The following GRM8 variants were observed in gnomAD, a reference collection of about 807,000 sequenced individuals.
GRM8 encodes the protein metabotropic glutamate receptor 8.
GRM8 carries 47 observed loss-of-function variants against 87.2 expected under a neutral mutation model. The observed-to-expected ratio is 0.54, with a 90% confidence interval of 0.43 to 0.69. The LOEUF is 0.69. GRM8 is among the 30% of genes least tolerant of loss of function. The pLI, the probability that GRM8 is intolerant of heterozygous loss-of-function variation, is 0.00. For missense variants in GRM8, 1,019 were observed against 1,139.2 expected (o/e 0.89, Z 1.52); for synonymous variants, 396 against 404.5 (o/e 0.98, Z 0.25).
At chr7:126,590,120 TAA>T (rs61063685) in intron 8 of GRM8, among the ~76,000 whole-genome samples, 47,147 of 148,484 alleles carry the variant, frequency 0.32, 8,271 homozygotes, top group South Asian at 0.47. Flanking sequence ...TTTCATGAAA[TAA>T]AAAAAAAAAA....
chr7:126,853,150 A>G (rs1797369740), intron 6 of GRM8, among the ~76,000 whole-genome samples: 1 of 152,184 alleles, frequency 6.6e-6, no homozygotes, highest in Non-Finnish European at 1.5e-5. Context: ...TCTTTCAGCC[A>G]TTTTATGTTA....
intron 6 of GRM8, among the ~76,000 whole-genome samples, chr7:126,815,753 C>A (rs542453605): frequency 6.6e-6 from 1 of 152,204 alleles, no homozygotes; most frequent in East Asian, 1.9e-4. Flanking sequence ...ATAAACTATT[C>A]TTCTTTTTGT....
chr7:126,721,519 T>A (rs1812392474), intron 7 of GRM8, among the ~76,000 whole-genome samples: 1 of 152,180 alleles, frequency 6.6e-6, no homozygotes, highest in African/African-American at 2.4e-5. Flanking sequence ...GTGAAATTTC[T>A]TTGAAATCTA....
At position 127,096,091 on chromosome 7, in the gene GRM8, A is replaced by G. The variant is rs142670585; in HGVS notation, c.727+10405T>C. 4.5e-4 allele frequency among the ~76,000 whole-genome samples: 68 copies of G among 152,322 alleles called. No homozygotes were observed. The East Asian group carries it at 0.012, about 28-fold the overall frequency. On this transcript the variant is annotated intron_variant, in intron 3 of 10. Transcript: ENST00000339582. ...AATACATTAGTCATGTGAAGAAACAATAAGATTGATCACTGCTAAGGTATA... is the reference window on the plus strand; with the variant it reads ...AATACATTAGTCATGTGAAGAAACAGTAAGATTGATCACTGCTAAGGTATA...
chr7:127,134,255 T>C (rs1351532758), intron 2 of GRM8, among the ~76,000 whole-genome samples: 1 of 152,236 alleles, frequency 6.6e-6, no homozygotes, highest in Non-Finnish European at 1.5e-5. Context: ...TAAGTACATT[T>C]GTGCTCAGAA....
At chr7:126,520,769 T>C (rs1757767808) in intron 9 of GRM8, among the ~76,000 whole-genome samples, 1 of 152,138 alleles carries the variant, frequency 6.6e-6, no homozygotes, top group Non-Finnish European at 1.5e-5. Context: ...CGGCCTTCTT[T>C]GGAGACATGT....
intron 3 of GRM8, among the ~76,000 whole-genome samples, chr7:126,930,620 C>T (rs1805663977): frequency 6.6e-6 from 1 of 152,146 alleles, no homozygotes; most frequent in South Asian, 2.1e-4. Flanking sequence ...TTCCATCATC[C>T]TATCAGCCTA....
intron 6 of GRM8, among the ~76,000 whole-genome samples, chr7:126,847,095 T>C (rs1160271987): frequency 1.3e-5 from 2 of 152,220 alleles, no homozygotes; most frequent in Admixed American, 1.3e-4. Flanking sequence ...AAATTGATAG[T>C]ATCTTTCACA....
intron 9 of GRM8, among the ~76,000 whole-genome samples, chr7:126,450,332 C>T (rs1000831560): frequency 1.3e-5 from 2 of 151,830 alleles, no homozygotes; most frequent in African/African-American, 4.8e-5. Flanking sequence ...CTCAAAGCAA[C>T]TTTATGCCAC....
intron 8 of GRM8, among the ~76,000 whole-genome samples, chr7:126,537,542 C>T (rs926541121): frequency 1.3e-5 from 2 of 152,066 alleles, no homozygotes; most frequent in African/African-American, 4.8e-5. Context: ...TTTGGGAGGC[C>T]AAGGCAGGCG....
chr7:127,204,717 T>G (rs143369961), intron 2 of GRM8, among the ~76,000 whole-genome samples: 1 of 152,340 alleles, frequency 6.6e-6, no homozygotes, highest in African/African-American at 2.4e-5. Context: ...CCCTGGCCTT[T>G]TTTAGTGCTT....
intron 6 of GRM8, among the ~76,000 whole-genome samples, chr7:126,877,686 T>A (rs1169278922): frequency 6.6e-6 from 1 of 152,174 alleles, no homozygotes; most frequent in Non-Finnish European, 1.5e-5. Context: ...TATTTACCTG[T>A]CTCCAAAGTC....
chr7:126,974,158 T>C (rs1292625813), intron 3 of GRM8, among the ~76,000 whole-genome samples: 2 of 152,210 alleles, frequency 1.3e-5, no homozygotes, highest in Non-Finnish European at 2.9e-5. Context: ...AAATTTTGTG[T>C]TTAGGCTTGG....
intron 2 of GRM8, among the ~76,000 whole-genome samples, chr7:127,143,701 C>A (rs1247146265): frequency 6.6e-6 from 1 of 151,988 alleles, no homozygotes; most frequent in Non-Finnish European, 1.5e-5. Flanking sequence ...CTGATGGTAT[C>A]CACATTAAGG....
intron 3 of GRM8, among the ~76,000 whole-genome samples, chr7:127,087,148 A>G (rs1480430962): frequency 6.6e-6 from 1 of 152,170 alleles, no homozygotes; most frequent in Non-Finnish European, 1.5e-5. Flanking sequence ...GCAGGAGAAA[A>G]AGAGAAAAAG....
intron 8 of GRM8, among the ~76,000 whole-genome samples, chr7:126,602,092 C>T (rs1223190744): frequency 7.3e-6 from 1 of 137,158 alleles, no homozygotes; most frequent in African/African-American, 2.6e-5. Context: ...TTTAATCCAT[C>T]TTGAATTGAT....
intron 8 of GRM8, among the ~76,000 whole-genome samples, chr7:126,539,819 A>G (rs1314911776): frequency 6.6e-6 from 1 of 152,070 alleles, no homozygotes; most frequent in Admixed American, 6.5e-5. Flanking sequence ...GATCCAAGAC[A>G]CAATGCAACA....
intron 7 of GRM8, among the ~76,000 whole-genome samples, chr7:126,764,639 G>T (rs1019562747): frequency 6.6e-6 from 1 of 151,944 alleles, no homozygotes; most frequent in South Asian, 2.1e-4. Context: ...CTATGTACTG[G>T]TCTCTACAAT....
intron 7 of GRM8, among the ~76,000 whole-genome samples, chr7:126,648,192 T>A (rs1322931927): frequency 1.3e-5 from 2 of 152,144 alleles, no homozygotes; most frequent in African/African-American, 2.4e-5. Flanking sequence ...GACCTTTTTA[T>A]CCTGTCAGTG....
Sources: gnomAD v4.1 joint callset for allele counts (sites outside exome capture counted in the v4.1 genomes callset) on GRCh38, gnomAD v4.1.1 for gene constraint, MANE v1.5 for transcripts, NCBI Gene and HGNC (gene_info 2026-07-23, HGNC 2026-07-21) for gene names.